MICU2: variants seen among roughly 807,000 people sequenced by gnomAD.
The protein encoded by MICU2 is mitochondrial calcium uptake 2.
MICU2 carries 64 observed loss-of-function variants against 60.4 expected under a neutral mutation model. The ratio of observed to expected loss-of-function variants is 1.06; its 90% CI spans 0.87 to 1.31. The LOEUF is 1.31. MICU2 is among the 50% of genes most tolerant of loss of function. The pLI, the probability that MICU2 is intolerant of heterozygous loss-of-function variation, is 0.00. For synonymous variants in MICU2, 201 were observed against 175.0 expected (o/e 1.15, Z -1.17); for missense variants, 569 against 531.0 (o/e 1.07, Z -0.70).
chr13:21,496,008 T>A (rs1445408437), intron 10 of MICU2, 44 bp downstream of exon 10: 8 of 1,377,696 alleles, frequency 5.8e-6, no homozygotes, highest in Non-Finnish European at 7.1e-6. Context: ...ATAGTAAAAC[T>A]GTTTATAGAT....
At chr13:21,499,557 C>T (rs1204653233) in intron 9 of MICU2, among the ~76,000 whole-genome samples, 1 of 151,314 alleles carries the variant, frequency 6.6e-6, no homozygotes, top group African/African-American at 2.4e-5. Context: ...ACTACAGGCA[C>T]CCGCCACCAC....
chr13:21,494,618 A>G (rs1885944496), intron 11 of MICU2, among the ~76,000 whole-genome samples: 1 of 152,230 alleles, frequency 6.6e-6, no homozygotes, highest in South Asian at 2.1e-4. Flanking sequence ...TTAAGCAGTT[A>G]ATAAACAGTA....
intron 1 of MICU2, among the ~76,000 whole-genome samples, chr13:21,584,917 T>C (rs1314224854): frequency 6.6e-6 from 1 of 152,194 alleles, no homozygotes; most frequent in Non-Finnish European, 1.5e-5. Flanking sequence ...CTAAAACACA[T>C]GGTTTATAGA....
At chr13:21,592,715 G>A (rs57377849) in intron 1 of MICU2, among the ~76,000 whole-genome samples, 3,578 of 152,182 alleles carry the variant, frequency 0.024, 119 homozygotes, top group African/African-American at 0.077. Flanking sequence ...TTCAACATAC[G>A]CAAATCAATA....
At chr13:21,540,216 A>G (rs773740999) in intron 2 of MICU2, among the ~76,000 whole-genome samples, 3 of 152,190 alleles carry the variant, frequency 2.0e-5, no homozygotes, top group Non-Finnish European at 4.4e-5. Context: ...ACAGAGATTT[A>G]AAATTCTTTC....
Position 21,538,506 on chromosome 13 carries a change from G to A in MICU2, c.466+796C>T, listed in dbSNP as rs539485781. Reference sequence around the variant, plus strand: ...TTGAGTCCCAGAGTTTGACGCTGCCGGGAGCTATGACTGCGCCACTGCACT... The same window carrying A: ...TTGAGTCCCAGAGTTTGACGCTGCCAGGAGCTATGACTGCGCCACTGCACT... On this transcript the variant is annotated intron_variant, in intron 4 of 11. Transcript: ENST00000382374. Among the ~76,000 whole-genome samples, 6 of 146,988 alleles carry A rather than the reference G, an allele frequency of 4.1e-5. No individual in the cohort carries two copies. In the South Asian group the frequency reaches 6.5e-4, roughly 16 times the overall value.
intron 2 of MICU2, among the ~76,000 whole-genome samples, chr13:21,546,940 C>G (rs1404075091): frequency 6.6e-6 from 1 of 152,142 alleles, no homozygotes; most frequent in Non-Finnish European, 1.5e-5. Flanking sequence ...TAAACAAAGA[C>G]AGCTTTATTT....
intron 1 of MICU2, among the ~76,000 whole-genome samples, chr13:21,572,096 A>G (rs140725067): frequency 5.2e-4 from 79 of 152,344 alleles, no homozygotes; most frequent in African/African-American, 1.9e-3. Context: ...TAAAAACATT[A>G]AATTATAAGT....
chr13:21,512,762 G>A (rs1294781814), intron 7 of MICU2, among the ~76,000 whole-genome samples: 3 of 151,892 alleles, frequency 2.0e-5, no homozygotes, highest in African/African-American at 7.3e-5. Flanking sequence ...TTTTTCTTCT[G>A]TTGCTTGTGA....
chr13:21,557,414 G>A (rs1346401326), intron 2 of MICU2, among the ~76,000 whole-genome samples: 1 of 152,126 alleles, frequency 6.6e-6, no homozygotes, highest in East Asian at 1.9e-4. Context: ...GCACAATGGA[G>A]GACTGAGGAT....
At chr13:21,551,740 A>G (rs1321793250) in intron 2 of MICU2, among the ~76,000 whole-genome samples, 1 of 151,764 alleles carries the variant, frequency 6.6e-6, no homozygotes, top group African/African-American at 2.4e-5. Context: ...TTCCAGCTTC[A>G]TCCATGTCCC....
At chr13:21,588,194 T>C (rs950121661) in intron 1 of MICU2, among the ~76,000 whole-genome samples, 2 of 152,178 alleles carry the variant, frequency 1.3e-5, no homozygotes, top group Non-Finnish European at 1.5e-5. Context: ...ATCATAGAAG[T>C]TAAAGACTTA....
Position 21,603,230 on chromosome 13 carries a change from C to T in MICU2, c.210+709G>A, listed in dbSNP as rs368366921. On this transcript the variant is annotated intron_variant, in intron 1 of 11. Coordinates refer to ENST00000382374, the MANE Select transcript of MICU2 (RefSeq NM_152726.3). Reference sequence around the variant, plus strand: ...CAGGAGATCCACCCGCCTCGGCCTCCCAAAGCCCTGGGATTAAAGGCGTGT... The same window carrying T: ...CAGGAGATCCACCCGCCTCGGCCTCTCAAAGCCCTGGGATTAAAGGCGTGT... 9.9e-5 allele frequency among the ~76,000 whole-genome samples: 15 copies of T among 152,190 alleles called. No homozygotes were observed. The East Asian group carries it at 1.7e-3, about 18-fold the overall frequency.
intron 6 of MICU2, among the ~76,000 whole-genome samples, chr13:21,518,675 A>G (rs1190333010): frequency 1.3e-5 from 2 of 152,310 alleles, no homozygotes; most frequent in Admixed American, 6.5e-5. Context: ...ATTTAGGTAT[A>G]TGGCCTTTTC....
At chr13:21,555,915 G>A (rs955860223) in intron 2 of MICU2, among the ~76,000 whole-genome samples, 11 of 152,138 alleles carry the variant, frequency 7.2e-5, no homozygotes, top group Non-Finnish European at 1.2e-4. Context: ...AGCTTCCACT[G>A]TGCTCTCAAA....
At chr13:21,509,226 C>G (rs1336484747) in intron 8 of MICU2, among the ~76,000 whole-genome samples, 1 of 152,122 alleles carries the variant, frequency 6.6e-6, no homozygotes, top group African/African-American at 2.4e-5. Flanking sequence ...AGACAGGACA[C>G]TGTATTTTAA....
chr13:21,572,049 T>C (rs940132456), intron 1 of MICU2, among the ~76,000 whole-genome samples: 2 of 152,018 alleles, frequency 1.3e-5, no homozygotes, highest in African/African-American at 4.8e-5. Flanking sequence ...AATCTACCTA[T>C]CTAATAAACT....
At chr13:21,565,134 C>T (rs1887947068) in intron 2 of MICU2, among the ~76,000 whole-genome samples, 3 of 152,172 alleles carry the variant, frequency 2.0e-5, no homozygotes, top group Non-Finnish European at 4.4e-5. Context: ...AATCTTTTTG[C>T]ATATCTTTGA....
At chr13:21,603,584 G>C in intron 1 of MICU2, 2 of 329,128 alleles carry the variant, frequency 6.1e-6, no homozygotes, top group Non-Finnish European at 5.6e-6. Flanking sequence ...CAGAGAGGTA[G>C]CAAGAGGCGA....
Sources: gnomAD v4.1 joint callset for allele counts (sites outside exome capture counted in the v4.1 genomes callset) on GRCh38, gnomAD v4.1.1 for gene constraint, MANE v1.5 for transcripts, NCBI Gene and HGNC (gene_info 2026-07-23, HGNC 2026-07-21) for gene names.